Variants in MARCHF1 observed in about 807,000 individuals in gnomAD.
MARCHF1 encodes membrane associated ring-CH-type finger 1, also known as E3 ubiquitin-protein ligase MARCHF1.
Under a neutral mutation model 54.2 loss-of-function variants are expected in MARCHF1, and 40 were observed. That is an observed-to-expected ratio of 0.74 (90% CI 0.57 to 0.96). The LOEUF is 0.96. MARCHF1 is among the 40% of genes least tolerant of loss of function. The pLI is 0.00. For missense variants in MARCHF1, 586 were observed against 656.5 expected (o/e 0.89, Z 1.17); for synonymous variants, 236 against 236.3 (o/e 1.00, Z 0.01).
intron 1 of MARCHF1, among the ~76,000 whole-genome samples, chr4:164,148,267 G>T (rs1729827008): frequency 6.6e-6 from 1 of 151,996 alleles, no homozygotes; most frequent in South Asian, 2.1e-4. Flanking sequence ...CAGTTCACAA[G>T]ATTTTGCTCA....
chr4:163,693,826 G>A (rs1744537037), intron 5 of MARCHF1, among the ~76,000 whole-genome samples: 1 of 152,140 alleles, frequency 6.6e-6, no homozygotes, highest in Non-Finnish European at 1.5e-5. Flanking sequence ...AAGAAAGTAG[G>A]GTTGCTGCTA....
At chr4:164,219,155 T>G (rs1732020104) in intron 1 of MARCHF1, among the ~76,000 whole-genome samples, 1 of 152,176 alleles carries the variant, frequency 6.6e-6, no homozygotes, top group African/African-American at 2.4e-5. Context: ...TGGGCATTCA[T>G]CAAGGAAGAT....
At chr4:164,189,277 C>G (rs982593997) in intron 1 of MARCHF1, 1 of 591,058 alleles carries the variant, frequency 1.7e-6, no homozygotes, top group Non-Finnish European at 3.1e-6. Context: ...GGCCCTGTCT[C>G]CTCAACATCA....
At chr4:164,213,620 A>G (rs1018456901) in intron 1 of MARCHF1, among the ~76,000 whole-genome samples, 1 of 152,152 alleles carries the variant, frequency 6.6e-6, no homozygotes, top group South Asian at 2.1e-4. Context: ...ATATGCTAAT[A>G]AAATTAGGTT....
chr4:163,757,437 C>T (rs1263247586), intron 4 of MARCHF1, among the ~76,000 whole-genome samples: 1 of 152,202 alleles, frequency 6.6e-6, no homozygotes, highest in African/African-American at 2.4e-5. Flanking sequence ...GATTGGGCTA[C>T]ATCCAGCTTG....
At chr4:163,599,683 C>T (rs1390865266) in intron 7 of MARCHF1, among the ~76,000 whole-genome samples, 3 of 152,128 alleles carry the variant, frequency 2.0e-5, no homozygotes, top group African/African-American at 4.8e-5. Flanking sequence ...GCATCAGACT[C>T]GCATGGAGGG....
chr4:164,090,815 G>A lies in MARCHF1; in HGVS notation c.-248+20773C>T, dbSNP rs534260853. Among the ~76,000 whole-genome samples, 27 of 152,212 alleles carry A rather than the reference G, an allele frequency of 1.8e-4. No individual in the cohort carries two copies. In the East Asian group the frequency reaches 5.0e-3, roughly 28 times the overall value. On this transcript the variant is annotated intron_variant, in intron 2 of 9. Transcript: ENST00000514618. ...AAAAACTAATCAGAAAGTTTGTGAG[G>A]CTTAAGAAAAGCTGGTGGAGGAGGA... is the stretch of plus-strand genomic sequence containing the variant.
chr4:163,773,166 G>A (rs928225092), intron 4 of MARCHF1, among the ~76,000 whole-genome samples: 2 of 152,098 alleles, frequency 1.3e-5, no homozygotes, highest in African/African-American at 4.8e-5. Flanking sequence ...TGCCTCAGAA[G>A]AGCATAGATG....
At chr4:164,313,182 C>CAAAA (rs140895798) in intron 1 of MARCHF1, among the ~76,000 whole-genome samples, 1 of 119,358 alleles carries the variant, frequency 8.4e-6, no homozygotes, top group Admixed American at 8.6e-5. Context: ...ACTAAAAATA[C>CAAAA]AAAAAAAAAA....
intron 4 of MARCHF1, among the ~76,000 whole-genome samples, chr4:163,848,855 A>G (rs1749565356): frequency 6.6e-6 from 1 of 152,208 alleles, no homozygotes; most frequent in Admixed American, 6.5e-5. Flanking sequence ...AAATTGCTCT[A>G]CAGATTAAAA....
intron 8 of MARCHF1, among the ~76,000 whole-genome samples, chr4:163,578,618 A>T (rs758849321): frequency 2.0e-5 from 3 of 152,108 alleles, no homozygotes; most frequent in East Asian, 1.9e-4. Context: ...TAATTTTTCT[A>T]TGTGTTTATA....
chr4:164,238,712 A>G (rs995850514), intron 1 of MARCHF1, among the ~76,000 whole-genome samples: 2 of 151,972 alleles, frequency 1.3e-5, no homozygotes, highest in Non-Finnish European at 2.9e-5. Flanking sequence ...ATTATGTTTA[A>G]TGAATAGTAT....
At chr4:164,199,663 CACACACACACACACACACAGAG>C (rs754297102) in intron 1 of MARCHF1, among the ~76,000 whole-genome samples, 6,140 of 83,950 alleles carry the variant, frequency 0.073, 144 homozygotes, top group Middle Eastern at 0.16. Flanking sequence ...CACACACACA[CACACACACACACACACACAGAG>C]AGAGAGAGAG....
At chr4:164,271,368 T>C (rs923859990) in intron 1 of MARCHF1, among the ~76,000 whole-genome samples, 3 of 152,086 alleles carry the variant, frequency 2.0e-5, no homozygotes, top group African/African-American at 4.8e-5. Context: ...AATGAAAGAA[T>C]GGTCACAGAA....
intron 1 of MARCHF1, among the ~76,000 whole-genome samples, chr4:164,139,316 C>T (rs1374689385): frequency 1.3e-5 from 2 of 152,140 alleles, no homozygotes; most frequent in Non-Finnish European, 2.9e-5. Flanking sequence ...AGTGCCCAAA[C>T]TTAAGTAGAA....
intron 2 of MARCHF1, among the ~76,000 whole-genome samples, chr4:164,034,695 G>T (rs1753956388): frequency 6.6e-6 from 1 of 151,982 alleles, no homozygotes; most frequent in Non-Finnish European, 1.5e-5. Context: ...GGAAATAACA[G>T]TTATAGTAAA....
chr4:163,911,673 G>GA (rs1751191551), intron 3 of MARCHF1, among the ~76,000 whole-genome samples: 4 of 152,008 alleles, frequency 2.6e-5, no homozygotes, highest in South Asian at 2.1e-4. Context: ...TGTATTTTGA[G>GA]AAAAAAACCT....
intron 1 of MARCHF1, among the ~76,000 whole-genome samples, chr4:164,258,216 G>A (rs1484460208): frequency 6.6e-6 from 1 of 152,002 alleles, no homozygotes; most frequent in Admixed American, 6.6e-5. Flanking sequence ...CGTGGACACA[G>A]GGAGGGGAAC....
At chr4:163,788,831 G>A (rs779294254) in intron 4 of MARCHF1, among the ~76,000 whole-genome samples, 3 of 152,036 alleles carry the variant, frequency 2.0e-5, no homozygotes, top group Non-Finnish European at 4.4e-5. Flanking sequence ...CAAGAGTAGG[G>A]ACGTAAGTTT....
Sources: allele counts gnomAD v4.1 joint callset (sites outside exome capture counted in the v4.1 genomes callset), GRCh38; gene constraint gnomAD v4.1.1; transcripts MANE v1.5; gene names NCBI Gene and HGNC (gene_info 2026-07-23, HGNC 2026-07-21).